The following FCER2 variants were observed in gnomAD, a reference collection of about 807,000 sequenced individuals.
FCER2 encodes low affinity immunoglobulin epsilon Fc receptor.
Under a neutral mutation model 49.7 loss-of-function variants are expected in FCER2, and 38 were observed. The ratio of observed to expected loss-of-function variants is 0.76; its 90% CI spans 0.59 to 1.00. The LOEUF (loss-of-function observed/expected upper bound fraction) is 1.00, where lower values mean the gene tolerates loss of function less well. Ranked by LOEUF, FCER2 falls within the 50% of genes least tolerant of loss-of-function variation. The pLI, the probability that FCER2 is intolerant of heterozygous loss-of-function variation, is 0.00. For synonymous variants in FCER2, 163 were observed against 164.6 expected, an observed-to-expected ratio of 0.99 and a Z score of 0.07; for missense variants, 425 against 419.5, an observed-to-expected ratio of 1.01 and a Z score of -0.11.
At chr19:7,697,113 G>T (rs1665583346) in intron 6 of FCER2, 38 bp from the exon 7 acceptor site, 2 of 1,612,474 alleles carry the variant, frequency 1.2e-6, no homozygotes, top group Non-Finnish European at 1.7e-6. Context: ...TCTCAGGGAG[G>T]ATGTGTACAG....
At position 7,689,297 on chromosome 19, in the gene FCER2, A is replaced by C; in HGVS notation, c.862T>G (p.Cys288Gly). The part of the protein sequence containing the change: ...GAWVCDRLAT[C>G]TPPASEGSAE... ...GAACCTTCGCTGGCTGGCGGCGTGC[A>C]TGTGGCCAGCCGGTCGCACACCCAG... The change falls in exon 11 of 11, where the codon TGC becomes GGC. Residue 288 changes from cysteine to glycine, a missense_variant. Transcript: ENST00000597921. 6.2e-7 allele frequency: 1 copy of C among 1,613,288 alleles called. No homozygotes were observed. The highest frequency in any genetic ancestry group is 8.5e-7 in the Non-Finnish European group (1 of 1,179,810).
At chr19:7,696,192 C>T (rs11672507) in intron 8 of FCER2, among the ~76,000 whole-genome samples, 8,568 of 152,088 alleles carry the variant, frequency 0.056, 320 homozygotes, top group Non-Finnish European at 0.081. Flanking sequence ...CTCCACCTCC[C>T]GGGTTCAAGC....
At position 7,689,442 on chromosome 19, in the gene FCER2, G is replaced by C. The variant is rs1236706567; in HGVS notation, c.729-12C>G. The C allele has an allele frequency of 6.4e-7, 1 of 1,554,542 alleles. No individual in the cohort carries two copies. The highest frequency in any genetic ancestry group is 1.8e-5 in the Admixed American group (1 of 56,116). On this transcript the variant is annotated splice_polypyrimidine_tract_variant and intron_variant, in intron 10 of 10. Transcript: ENST00000597921. ...CTGGAGCCCAGTTGCTGGAGCAAAA[G>C]GCTTTGGGTCAGGGGATGGGGCGGG...
At chr19:7,698,878 T>C in intron 2 of FCER2, 24 bp from the exon 3 acceptor site, 4 of 1,561,342 alleles carry the variant, frequency 2.6e-6, no homozygotes, top group Non-Finnish European at 3.5e-6. Context: ...AGGGACTGAC[T>C]ATGGGTGCAG....
Position 7,698,807 on chromosome 19 carries a change from T to G in FCER2, c.70A>C (p.Ile24Leu). The G allele has an allele frequency of 6.2e-7, 1 of 1,612,342 alleles. No homozygotes were observed. The highest frequency in any genetic ancestry group is 8.5e-7 in the Non-Finnish European group (1 of 1,179,400). Residue 24 changes from isoleucine to leucine, a missense_variant, in exon 3 of 11, where the codon ATC becomes CTC. Coordinates refer to ENST00000597921, the MANE Select transcript of FCER2 (RefSeq NM_001220500.2). ...RRRCCRRGTQIVLLGLVTAAL... is the reference protein window; with the variant it reads ...RRRCCRRGTQLVLLGLVTAAL... Reference sequence around the variant, plus strand: ...GCGGTCACCAGCCCCAGCAGCACGATCTGAGTCCCACGCCTGCAACACCGC... The same window carrying G: ...GCGGTCACCAGCCCCAGCAGCACGAGCTGAGTCCCACGCCTGCAACACCGC...
At chr19:7,696,458 A>T (rs1347756694) in intron 8 of FCER2, among the ~76,000 whole-genome samples, 1 of 151,838 alleles carries the variant, frequency 6.6e-6, no homozygotes, top group Admixed American at 6.6e-5. Context: ...CTGGTCTCGA[A>T]CTCCTGACCT....
intron 1 of FCER2, among the ~76,000 whole-genome samples, chr19:7,700,820 T>A (rs535408489): frequency 7.0e-6 from 1 of 143,370 alleles, no homozygotes; most frequent in Admixed American, 7.0e-5. Flanking sequence ...GCCTATTTTT[T>A]TATTTTTTGA....
chr19:7,690,299 C>CA (rs1242581220), intron 9 of FCER2, 34 bp from the exon 10 acceptor site: 4 of 1,608,932 alleles, frequency 2.5e-6, no homozygotes, highest in Non-Finnish European at 3.4e-6. Flanking sequence ...GGACTGGAGA[C>CA]ATGTGCCCGG....
chr19:7,689,436 G>C lies in FCER2; in HGVS notation c.729-6C>G. 1 of 1,569,630 alleles carries C rather than the reference G, an allele frequency of 6.4e-7. No homozygotes were observed. Among genetic ancestry groups the C allele is most frequent in the Non-Finnish European group, 8.7e-7 (1 of 1,152,564 alleles). On this transcript the variant is annotated splice_polypyrimidine_tract_variant and splice_region_variant and intron_variant, in intron 10 of 10. Transcript: ENST00000597921. ...GCTCCCCTGGAGCCCAGTTGCTGGA[G>C]CAAAAGGCTTTGGGTCAGGGGATGG...
Position 7,698,797 on chromosome 19 carries a change from A to G in FCER2, c.80T>C (p.Leu27Pro). ...CCRRGTQIVL[L>P]GLVTAALWAG... ...CCACAGAGCGGCGGTCACCAGCCCC[A>G]GCAGCACGATCTGAGTCCCACGCCT... Residue 27 changes from leucine to proline, a missense_variant, in exon 3 of 11, where the codon CTG (leucine) becomes CCG (proline). Leu to Pro is a moderately conservative substitution (Grantham distance 98, BLOSUM62 -3). Coordinates refer to ENST00000597921, the MANE Select transcript of FCER2 (RefSeq NM_001220500.2). The G allele has an allele frequency of 6.2e-7, 1 of 1,612,760 alleles. No individual in the cohort carries two copies.
chr19:7,693,102 A>G (rs1001783718), intron 8 of FCER2, among the ~76,000 whole-genome samples: 24 of 152,006 alleles, frequency 1.6e-4, no homozygotes, highest in African/African-American at 5.8e-4. Context: ...ATCTTTACCA[A>G]CCACACCAGC....
chr19:7,688,984 G>A lies in FCER2; in HGVS notation c.*209C>T, dbSNP rs992347364. On this transcript the variant is annotated 3_prime_UTR_variant, in exon 11 of 11. Transcript: ENST00000597921. ...CTGTTGGGGTGTACTCTCATCTGGA[G>A]AGGGTGCTGTTGGGGGCACTCCCAT... 4.0e-5 allele frequency: 23 copies of A among 572,336 alleles called. No homozygotes were observed. The highest frequency in any genetic ancestry group is 6.3e-5 in the Non-Finnish European group (20 of 318,096). The allele number at this position is 572,336 out of a possible 1,614,324, so 35.5% of individuals were successfully genotyped here. A position where few individuals can be genotyped will look rare whatever the true frequency, so the allele number is the denominator to read the frequency against.
intron 8 of FCER2, among the ~76,000 whole-genome samples, chr19:7,695,597 G>A (rs796258843): frequency 6.0e-5 from 9 of 151,098 alleles, no homozygotes; most frequent in African/African-American, 2.0e-4. Flanking sequence ...GCAACATAGC[G>A]AGATCCTGTC....
chr19:7,700,944 G>T (rs2033139863), intron 1 of FCER2, among the ~76,000 whole-genome samples: 1 of 152,112 alleles, frequency 6.6e-6, no homozygotes, highest in Non-Finnish European at 1.5e-5. Flanking sequence ...CCAAGTAGCT[G>T]GGACTACAGG....
rs2033088059 is a variant in FCER2, at chr19:7,698,820, C to T, written c.57G>A (p.Arg19=). 4 of 1,610,274 alleles carry T rather than the reference C, an allele frequency of 2.5e-6. No individual in the cohort carries two copies. ...IEELPRRRCC[R]RGTQIVLLGL... ...CCAGCAGCACGATCTGAGTCCCACG[C>T]CTGCAACACCGCCTCCTGGGAAGCT... The change falls in exon 3 of 11, where the codon AGG becomes AGA. Residue 19 remains arginine, a synonymous_variant. Coordinates refer to ENST00000597921, the MANE Select transcript of FCER2 (RefSeq NM_001220500.2).
chr19:7,691,614 C>G (rs2032873628), intron 8 of FCER2, among the ~76,000 whole-genome samples: 1 of 151,910 alleles, frequency 6.6e-6, no homozygotes, highest in Admixed American at 6.6e-5. Context: ...ACCTCAAACA[C>G]CTCATGCCAG....
rs571995030 is a variant in FCER2 at position 7,692,071 on chromosome 19, C to T, written c.470-1514G>A. On this transcript the variant is annotated intron_variant, in intron 8 of 10. Coordinates refer to ENST00000597921, the MANE Select transcript of FCER2 (RefSeq NM_001220500.2). ...ACTACCAACACCATCACCACGAGCA[C>T]ATTCATGTCCAACAACACATCAACT... Among the ~76,000 whole-genome samples, 2 of 151,646 alleles carry T rather than the reference C, an allele frequency of 1.3e-5. 1 individual carries two copies. Among genetic ancestry groups the T allele is most frequent in the East Asian group, 3.9e-4 (2 of 5,170 alleles).
chr19:7,689,375 T>C lies in FCER2; in HGVS notation c.784A>G (p.Met262Val). The change falls in exon 11 of 11, where the codon ATG (methionine) becomes GTG (valine). Residue 262 changes from methionine to valine, a missense_variant. Transcript: ENST00000597921. The part of the protein sequence containing the change: ...SRSQGEDCVM[M>V]RGSGRWNDAF... The stretch of plus-strand genomic sequence containing the variant: ...TCGTTCCAGCGACCGGAGCCCCGCA[T>C]CATCACGCAGTCCTCGCCCTGGCTC... The C allele has an allele frequency of 6.2e-7, 1 of 1,609,596 alleles. No homozygotes were observed. The highest frequency in any genetic ancestry group is 1.1e-5 in the South Asian group (1 of 90,476).
intron 2 of FCER2, 27 bp downstream of exon 2, chr19:7,699,712 A>C: frequency 1.2e-6 from 2 of 1,611,148 alleles, no homozygotes; most frequent in Non-Finnish European, 8.5e-7. Flanking sequence ...TGCTTCTGCC[A>C]ACGTTAGAAC....
Sources: gnomAD v4.1 joint callset for allele counts (sites outside exome capture counted in the v4.1 genomes callset) on GRCh38, gnomAD v4.1.1 for gene constraint, MANE v1.5 for transcripts, NCBI Gene and HGNC (gene_info 2026-07-23, HGNC 2026-07-21) for gene names.